The following CSGALNACT1 variants were observed in gnomAD, a reference collection of about 807,000 sequenced individuals.
CSGALNACT1 encodes the protein chondroitin sulfate N-acetylgalactosaminyltransferase 1, also known as beta4GalNAcT-1.
In CSGALNACT1, 52 loss-of-function variants were observed where a neutral mutation model predicts 51.0. The observed-to-expected ratio is 1.02, with a 90% CI of 0.82 to 1.29. The LOEUF is 1.29. Among genes scored for constraint, CSGALNACT1 ranks in the 50% most tolerant of loss-of-function variants. The pLI is 0.00. For synonymous variants in CSGALNACT1, 341 were observed against 254.4 expected, an observed-to-expected ratio of 1.34 and a Z score of -3.24; for missense variants, 935 against 679.2, an observed-to-expected ratio of 1.38 and a Z score of -4.19.
rs147788716 is a variant in CSGALNACT1 at position 19,573,930 on chromosome 8, A to G, written c.-297+17230T>C. On this transcript the variant is annotated intron_variant, in intron 3 of 9. Coordinates refer to ENST00000454498, the Ensembl canonical transcript of CSGALNACT1. ...CATTCTTTGGGCCTGGCAGATACTT[A>G]TTTTAATTTTTAGAGAAAAAGTCTC... is the stretch of plus-strand genomic sequence containing the variant. 1.9e-3 allele frequency among the ~76,000 whole-genome samples: 292 copies of G among 152,290 alleles called. 2 individuals carry two copies. Among genetic ancestry groups the G allele is most frequent in the African/African-American group, 6.6e-3 (276 of 41,572 alleles).
intron 4 of CSGALNACT1, among the ~76,000 whole-genome samples, chr8:19,472,095 C>G (rs78361699): frequency 6.6e-6 from 1 of 152,300 alleles, no homozygotes; most frequent in African/African-American, 2.4e-5. Flanking sequence ...TACTTGGACT[C>G]AATGGAGTTT....
chr8:19,414,258 A>T (rs1034917533), intron 8 of CSGALNACT1, among the ~76,000 whole-genome samples: 2 of 152,234 alleles, frequency 1.3e-5, no homozygotes, highest in Non-Finnish European at 2.9e-5. Context: ...TCTGTGATTT[A>T]GAAACCTATC....
chr8:19,565,232 A>C (rs1268376548), intron 3 of CSGALNACT1, among the ~76,000 whole-genome samples: 1 of 152,224 alleles, frequency 6.6e-6, no homozygotes, highest in African/African-American at 2.4e-5. Flanking sequence ...ACTTTCGGAA[A>C]AGTTCTAAAA....
intron 1 of CSGALNACT1, among the ~76,000 whole-genome samples, chr8:19,712,010 G>A (rs567975359): frequency 2.6e-5 from 4 of 152,132 alleles, no homozygotes; most frequent in African/African-American, 9.7e-5. Context: ...TGAAGCCGGG[G>A]TTAGAACTCA....
At chr8:19,574,698 A>T (rs372965678) in intron 3 of CSGALNACT1, among the ~76,000 whole-genome samples, 33 of 152,184 alleles carry the variant, frequency 2.2e-4, no homozygotes, top group African/African-American at 7.5e-4. Context: ...CCATTCCACA[A>T]GGTTTGGGAT....
chr8:19,651,920 TTTTTGTTTTG>T (rs939311844), intron 1 of CSGALNACT1, among the ~76,000 whole-genome samples: 1 of 112,684 alleles, frequency 8.9e-6, no homozygotes, highest in Non-Finnish European at 2.1e-5. Flanking sequence ...TGTCTGTTTT[TTTTTGTTTTG>T]TTTTGTTTTG....
chr8:19,551,705 C>T (rs1393783244), intron 3 of CSGALNACT1, among the ~76,000 whole-genome samples: 3 of 152,060 alleles, frequency 2.0e-5, no homozygotes, highest in African/African-American at 4.8e-5. Flanking sequence ...CGGTACTCTC[C>T]CTTCTGCTAA....
In CSGALNACT1 at chr8:19,681,645, G is replaced by T. The variant is rs11991438; in HGVS notation, c.-544+828C>A. Among the ~76,000 whole-genome samples the T allele has an allele frequency of 2.9e-3, 447 of 152,318 alleles. 4 individuals carry two copies. Among genetic ancestry groups the T allele is most frequent in the African/African-American group, 0.01 (434 of 41,576 alleles). On this transcript the variant is annotated intron_variant, in intron 1 of 9. Transcript: ENST00000332246. ...GGTACGTCCAAGGGTTCCTACGCTT[G>T]AAGTGCCTGACCTCGGCACTTGCAG...
At chr8:19,611,764 T>C (rs934810066) in intron 1 of CSGALNACT1, among the ~76,000 whole-genome samples, 23 of 152,266 alleles carry the variant, frequency 1.5e-4, no homozygotes, top group Middle Eastern at 6.8e-3. Flanking sequence ...TGCTAATCTT[T>C]TGCATGGTAG....
intron 7 of CSGALNACT1, among the ~76,000 whole-genome samples, chr8:19,419,051 G>A (rs888459434): frequency 6.6e-6 from 1 of 152,046 alleles, no homozygotes; most frequent in South Asian, 2.1e-4. Context: ...TCACCATGTT[G>A]GTCAGGCTGG....
At chr8:19,609,752 A>G (rs1371725075) in intron 1 of CSGALNACT1, among the ~76,000 whole-genome samples, 2 of 152,094 alleles carry the variant, frequency 1.3e-5, no homozygotes, top group African/African-American at 4.8e-5. Flanking sequence ...TATATTTTCG[A>G]TTTTGGTAAT....
At chr8:19,634,207 A>G (rs1220264177) in intron 1 of CSGALNACT1, among the ~76,000 whole-genome samples, 1 of 152,236 alleles carries the variant, frequency 6.6e-6, no homozygotes, top group Non-Finnish European at 1.5e-5. Context: ...CTGTGGCTCA[A>G]AAACTGTTGC....
chr8:19,658,969 G>C (rs1265181302), intron 1 of CSGALNACT1, among the ~76,000 whole-genome samples: 3 of 152,140 alleles, frequency 2.0e-5, no homozygotes, highest in African/African-American at 7.2e-5. Context: ...ACACCTGTTG[G>C]AGCTGTGAAT....
intron 8 of CSGALNACT1, among the ~76,000 whole-genome samples, chr8:19,417,950 G>A (rs1163517531): frequency 6.6e-6 from 1 of 152,178 alleles, no homozygotes; most frequent in Non-Finnish European, 1.5e-5. Flanking sequence ...TCTGCAAAGT[G>A]GACTAACTGC....
Position 19,578,272 on chromosome 8 carries a change from T to C in CSGALNACT1, c.-297+12888A>G, listed in dbSNP as rs185660027. Among the ~76,000 whole-genome samples, 26 of 152,336 alleles carry C rather than the reference T, an allele frequency of 1.7e-4. No individual in the cohort carries two copies. In the East Asian group the frequency reaches 4.4e-3, roughly 26 times the overall value. ...CACTCTCAAAAGTCCAGCCCTATTA[T>C]GTGAGCTAGGCCAGCACAAAGTCAA... On this transcript the variant is annotated intron_variant, in intron 3 of 9. Coordinates refer to ENST00000454498, the Ensembl canonical transcript of CSGALNACT1.
intron 1 of CSGALNACT1, among the ~76,000 whole-genome samples, chr8:19,702,696 G>C (rs1345517184): frequency 1.3e-5 from 2 of 151,996 alleles, no homozygotes; most frequent in African/African-American, 4.8e-5. Context: ...CTGTTGGCCA[G>C]ACACCCATCT....
intron 1 of CSGALNACT1, among the ~76,000 whole-genome samples, chr8:19,650,676 CAG>C (rs1367212414): frequency 9.2e-5 from 14 of 152,096 alleles, no homozygotes; most frequent in African/African-American, 3.4e-4. Flanking sequence ...CCATAGCAGA[CAG>C]TGTGTGTGAG....
At chr8:19,660,630 G>A (rs138198732) in intron 1 of CSGALNACT1, among the ~76,000 whole-genome samples, 188 of 152,250 alleles carry the variant, frequency 1.2e-3, no homozygotes, top group African/African-American at 4.3e-3. Context: ...GTGCCACCAT[G>A]CAGGACCCAC....
At chr8:19,716,040 A>T (rs1305522128) in intron 1 of CSGALNACT1, among the ~76,000 whole-genome samples, 1 of 152,092 alleles carries the variant, frequency 6.6e-6, no homozygotes, top group African/African-American at 2.4e-5. Flanking sequence ...TTGTTCTCTT[A>T]TTCTGATTAA....
Sources: gnomAD v4.1 joint callset for allele counts (sites outside exome capture counted in the v4.1 genomes callset) on GRCh38, gnomAD v4.1.1 for gene constraint, MANE v1.5 for transcripts, NCBI Gene and HGNC (gene_info 2026-07-23, HGNC 2026-07-21) for gene names.